TPP2: variants seen among roughly 807,000 people sequenced by gnomAD.
TPP2 encodes the protein tripeptidyl peptidase 2.
In TPP2, 34 loss-of-function variants were observed where a neutral mutation model predicts 155.9. The ratio of observed to expected loss-of-function variants is 0.22; its 90% CI spans 0.17 to 0.29. TPP2 has a LOEUF of 0.29. Among genes scored for constraint, TPP2 ranks in the 10% least tolerant of loss-of-function variants. The probability of loss-of-function intolerance (pLI) is 1.00; values close to 1 mark genes in which losing one functional copy is unlikely to be tolerated. For synonymous variants in TPP2, 510 were observed against 529.4 expected (o/e 0.96, Z 0.50); for missense variants, 1,028 against 1,522.3 (o/e 0.68, Z 5.40).
intron 9 of TPP2, 81 bp from the exon 10 acceptor site, chr13:102,630,015 C>A: frequency 1.8e-6 from 2 of 1,136,804 alleles, no homozygotes; most frequent in Non-Finnish European, 2.6e-6. Context: ...AGAGATTAGG[C>A]AGTTTACTCA....
chr13:102,649,196 G>A, intron 22 of TPP2, 45 bp downstream of exon 22: 1 of 1,539,254 alleles, frequency 6.5e-7, no homozygotes, highest in East Asian at 2.3e-5. Flanking sequence ...CGTATACACT[G>A]TAGTCCTTTT....
intron 24 of TPP2, 149 bp downstream of exon 24, chr13:102,651,546 T>A: frequency 1.4e-6 from 1 of 729,330 alleles, no homozygotes; most frequent in Non-Finnish European, 2.1e-6. Context: ...TAGCTGTACT[T>A]AGAAGCATTG....
intron 1 of TPP2, among the ~76,000 whole-genome samples, chr13:102,599,010 T>C (rs1337252055): frequency 6.6e-6 from 1 of 152,216 alleles, no homozygotes; most frequent in Non-Finnish European, 1.5e-5. Context: ...ATGGGGGTAT[T>C]GCCTGATGTT....
At chr13:102,676,510 C>G (rs926230122) in intron 29 of TPP2, 95 bp downstream of exon 29, 2 of 1,453,214 alleles carry the variant, frequency 1.4e-6, no homozygotes, top group Non-Finnish European at 1.9e-6. Flanking sequence ...TATAGCAATA[C>G]TGGTTTTATT....
At chr13:102,632,980 G>T (rs868773871) in intron 10 of TPP2, among the ~76,000 whole-genome samples, 1 of 151,042 alleles carries the variant, frequency 6.6e-6, no homozygotes, top group Non-Finnish European at 1.5e-5. Context: ...GAATATATAT[G>T]TATTGCTTTC....
At position 102,626,998 on chromosome 13, in the gene TPP2, C is replaced by G. The variant is rs1186966678; in HGVS notation, c.785-14C>G. On this transcript the variant is annotated splice_polypyrimidine_tract_variant and intron_variant, in intron 6 of 29. Transcript: ENST00000376052. ...TGAGAATGTTTTGTCATTTCCCCACCTTTGTGTCTCTAGGAGCTCATGGGA... is the reference window on the plus strand; with the variant it reads ...TGAGAATGTTTTGTCATTTCCCCACGTTTGTGTCTCTAGGAGCTCATGGGA... 1.3e-6 allele frequency: 2 copies of G among 1,513,832 alleles called. No individual in the cohort carries two copies. Among genetic ancestry groups the G allele is most frequent in the African/African-American group, 1.4e-5 (1 of 70,744 alleles). The allele number at this position is 1,513,832 out of a possible 1,614,324, so 93.8% of individuals were successfully genotyped here.
intron 6 of TPP2, among the ~76,000 whole-genome samples, chr13:102,623,579 A>G (rs1490200872): frequency 8.5e-5 from 13 of 152,220 alleles, no homozygotes; most frequent in African/African-American, 2.4e-4. Context: ...AAATCCATCA[A>G]TAGAATTTAT....
At chr13:102,607,932 A>G (rs1879970860) in intron 2 of TPP2, 1 of 178,364 alleles carries the variant, frequency 5.6e-6, no homozygotes, top group African/African-American at 2.4e-5. Context: ...GGCTTTAGAT[A>G]AACCACATGA....
At chr13:102,650,923 A>G (rs1324063508) in intron 23 of TPP2, among the ~76,000 whole-genome samples, 2 of 152,156 alleles carry the variant, frequency 1.3e-5, no homozygotes, top group Admixed American at 6.6e-5. Flanking sequence ...TCAGTGGTTT[A>G]GCGTTTTCTT....
chr13:102,646,972 A>C (rs1316360754), intron 20 of TPP2, among the ~76,000 whole-genome samples: 1 of 152,214 alleles, frequency 6.6e-6, no homozygotes, highest in Non-Finnish European at 1.5e-5. Flanking sequence ...AAGTATGTAT[A>C]TGTTGCTTTA....
intron 19 of TPP2, 106 bp downstream of exon 19, chr13:102,645,115 G>T: frequency 1.9e-6 from 2 of 1,046,862 alleles, no homozygotes; most frequent in East Asian, 2.5e-5. Context: ...CTGCATGCTA[G>T]AGGTGAGAAT....
chr13:102,612,839 TC>T (rs1219926812), intron 2 of TPP2, among the ~76,000 whole-genome samples: 2 of 152,228 alleles, frequency 1.3e-5, no homozygotes, highest in Admixed American at 1.3e-4. Flanking sequence ...TTAACGACTT[TC>T]TATTTTGCAG....
rs184585459 is a variant in TPP2 at position 102,636,284 on chromosome 13, A to G, written c.1570A>G (p.Thr524Ala). 3.7e-6 allele frequency: 6 copies of G among 1,613,916 alleles called. No individual in the cohort carries two copies. The East Asian group carries it at 1.3e-4, about 36-fold the overall frequency. ...NTSFANKLGF[T>A]VTVGNNRGIY... ...ATCATTTGCTAATAAATTAGGTTTT[A>G]CTGTTACTGTTGGAAATAACCGTGG... The change falls in exon 13 of 30, where the codon ACT becomes GCT. Residue 524 changes from threonine to alanine, a missense_variant. Around this residue, in one of 7 missense-constraint regions of TPP2, gnomAD observed 325 missense variants for 463.7 expected, o/e 0.70. Coordinates refer to ENST00000376052, the MANE Select transcript of TPP2 (RefSeq NM_001330588.2).
At chr13:102,646,875 C>G (rs1883140053) in intron 20 of TPP2, among the ~76,000 whole-genome samples, 1 of 152,176 alleles carries the variant, frequency 6.6e-6, no homozygotes, top group African/African-American at 2.4e-5. Context: ...TACTGAAACA[C>G]ACATCAGTTT....
At chr13:102,619,456 CAG>C (rs534688926) in intron 5 of TPP2, among the ~76,000 whole-genome samples, 67 of 149,384 alleles carry the variant, frequency 4.5e-4, no homozygotes, top group Non-Finnish European at 9.2e-4. Context: ...AACAAACAAA[CAG>C]GGACTATTTC....
intron 1 of TPP2, among the ~76,000 whole-genome samples, chr13:102,599,804 T>C (rs1055570361): frequency 2.6e-4 from 39 of 152,194 alleles, no homozygotes; most frequent in African/African-American, 8.9e-4. Flanking sequence ...ACAAGGATTA[T>C]TGGGGGGATG....
chr13:102,613,983 A>G, intron 2 of TPP2, 118 bp from the exon 3 acceptor site: 2 of 764,778 alleles, frequency 2.6e-6, no homozygotes, highest in Non-Finnish European at 4.2e-6. Context: ...GTACATGAGC[A>G]TCCTTATCCA....
At chr13:102,597,319 G>A (rs959614526) in intron 1 of TPP2, 116 bp downstream of exon 1, 24 of 581,632 alleles carry the variant, frequency 4.1e-5, no homozygotes, top group East Asian at 4.1e-4. Flanking sequence ...AGTCCGGGCC[G>A]GGGTGGGCAG....
chr13:102,648,678 T>G (rs532032691), intron 21 of TPP2, among the ~76,000 whole-genome samples: 1 of 152,196 alleles, frequency 6.6e-6, no homozygotes, highest in Admixed American at 6.5e-5. Context: ...TCTTATACTT[T>G]ACTCTGTGTG....
Sources: allele counts gnomAD v4.1 joint callset (sites outside exome capture counted in the v4.1 genomes callset), GRCh38; gene constraint gnomAD v4.1.1; regional missense constraint gnomAD v4.1.1; transcripts MANE v1.5; gene names NCBI Gene and HGNC (gene_info 2026-07-23, HGNC 2026-07-21).